DLGAP2: variants seen among roughly 807,000 people sequenced by gnomAD.
DLGAP2 encodes DLG associated protein 2.
A neutral mutation model predicts 100.3 loss-of-function variants in DLGAP2; 26 were observed. That is an observed-to-expected ratio of 0.26 (90% CI 0.19 to 0.36). The LOEUF (loss-of-function observed/expected upper bound fraction) is 0.36, where lower values mean the gene tolerates loss of function less well. DLGAP2 is among the 10% of genes least tolerant of loss of function. The pLI, the probability that DLGAP2 is intolerant of heterozygous loss-of-function variation, is 1.00. For synonymous variants in DLGAP2, 886 were observed against 630.1 expected, an observed-to-expected ratio of 1.41 and a Z score of -6.08; for missense variants, 1,858 against 1,453.2, an observed-to-expected ratio of 1.28 and a Z score of -4.53.
At chr8:1,638,278 T>A (rs1458311281) in intron 8 of DLGAP2, among the ~76,000 whole-genome samples, 1 of 151,684 alleles carries the variant, frequency 6.6e-6, no homozygotes, top group East Asian at 1.9e-4. Context: ...TAGAATGAGG[T>A]CACAGGGGGC....
At chr8:796,882 C>G (rs905950291) in intron 1 of DLGAP2, among the ~76,000 whole-genome samples, 1 of 151,720 alleles carries the variant, frequency 6.6e-6, no homozygotes, top group Non-Finnish European at 1.5e-5. Flanking sequence ...CCCCTTCACC[C>G]CACCCTTTTT....
intron 6 of DLGAP2, among the ~76,000 whole-genome samples, chr8:1,585,450 C>T (rs542121011): frequency 4.0e-5 from 6 of 151,846 alleles, no homozygotes; most frequent in East Asian, 1.9e-4. Flanking sequence ...GGCAAAAGAC[C>T]GAAAAAGAAA....
intron 3 of DLGAP2, among the ~76,000 whole-genome samples, chr8:1,389,295 A>T (rs1796292826): frequency 7.3e-6 from 1 of 136,806 alleles, no homozygotes; most frequent in African/African-American, 3.3e-5. Context: ...GGGACTCTGG[A>T]GGAGGAGGAT....
chr8:1,370,090 G>A (rs1260882168), intron 3 of DLGAP2, among the ~76,000 whole-genome samples: 1 of 152,160 alleles, frequency 6.6e-6, no homozygotes, highest in Non-Finnish European at 1.5e-5. Flanking sequence ...CTGTCCCTAG[G>A]CAGCTTTTCT....
intron 2 of DLGAP2, among the ~76,000 whole-genome samples, chr8:1,054,601 A>T (rs548528718): frequency 6.6e-6 from 1 of 152,246 alleles, no homozygotes; most frequent in Non-Finnish European, 1.5e-5. Flanking sequence ...AAACATGCCC[A>T]GTAATTTATC....
chr8:1,633,440 C>T (rs973168310), intron 8 of DLGAP2, among the ~76,000 whole-genome samples: 3 of 152,148 alleles, frequency 2.0e-5, no homozygotes, highest in Non-Finnish European at 4.4e-5. Flanking sequence ...GACGTCCAGC[C>T]GGTCTCTTGC....
intron 1 of DLGAP2, among the ~76,000 whole-genome samples, chr8:862,752 T>C (rs943642921): frequency 5.9e-5 from 9 of 152,288 alleles, no homozygotes; most frequent in Admixed American, 2.0e-4. Context: ...TTGGACGTGG[T>C]TGAACTTGAA....
intron 5 of DLGAP2, among the ~76,000 whole-genome samples, chr8:1,552,538 A>G (rs1170621273): frequency 6.6e-6 from 1 of 152,218 alleles, no homozygotes; most frequent in Non-Finnish European, 1.5e-5. Context: ...ATGCCTGTGC[A>G]GGGCTGTCCC....
intron 1 of DLGAP2, among the ~76,000 whole-genome samples, chr8:828,761 GA>G (rs1392393807): frequency 6.6e-6 from 1 of 152,154 alleles, no homozygotes; most frequent in Non-Finnish European, 1.5e-5. Context: ...ACAGGCATAA[GA>G]AATTACAAAA....
intron 6 of DLGAP2, among the ~76,000 whole-genome samples, chr8:1,603,397 A>T (rs1038788766): frequency 6.8e-6 from 1 of 147,264 alleles, no homozygotes; most frequent in African/African-American, 2.6e-5. Context: ...AGTTCTGTAG[A>T]GGCTGGTTAG....
intron 2 of DLGAP2, among the ~76,000 whole-genome samples, chr8:938,682 T>C (rs1327045263): frequency 6.6e-6 from 1 of 152,194 alleles, no homozygotes; most frequent in African/African-American, 2.4e-5. Flanking sequence ...CCAGCCGGCA[T>C]GGCAGCCCTG....
rs1563272646 is a variant in DLGAP2 at position 1,238,547 on chromosome 8, G to GGCGCC, written c.74-20303_74-20302insCGCCG. Among the ~76,000 whole-genome samples, 219 of 85,684 alleles carry GGCGCC rather than the reference G, an allele frequency of 2.6e-3. 10 individuals are homozygous for GGCGCC. The highest frequency in any genetic ancestry group is 0.01 in the Middle Eastern group (1 of 100). The allele number at this position is 85,684 out of a possible 152,430, so 56.2% of individuals were successfully genotyped here. A position where few individuals can be genotyped will look rare whatever the true frequency, so the allele number is the denominator to read the frequency against. On this transcript the variant is annotated intron_variant, in intron 2 of 14. Coordinates refer to ENST00000637795, the MANE Select transcript of DLGAP2 (RefSeq NM_001346810.2). Reference sequence around the variant, plus strand: ...GGCGCCGTGTCTGGTTCTCTCACATGGTGCCGTGTCTAGTTCTCTCCCATG... The same window carrying GGCGCC: ...GGCGCCGTGTCTGGTTCTCTCACATGGCGCCGTGCCGTGTCTAGTTCTCTCCCATG...
At chr8:1,674,249 T>C (rs1017764326) in intron 10 of DLGAP2, among the ~76,000 whole-genome samples, 2 of 152,188 alleles carry the variant, frequency 1.3e-5, no homozygotes, top group African/African-American at 4.8e-5. Flanking sequence ...CTTGCCATGT[T>C]GCCTAGGCTG....
intron 2 of DLGAP2, among the ~76,000 whole-genome samples, chr8:1,112,674 T>C (rs753743983): frequency 6.6e-6 from 1 of 152,246 alleles, no homozygotes; most frequent in Non-Finnish European, 1.5e-5. Flanking sequence ...GTTTGTCTGT[T>C]CGCTCTGATG....
chr8:1,182,447 C>T (rs1350496529), intron 2 of DLGAP2, among the ~76,000 whole-genome samples: 2 of 152,060 alleles, frequency 1.3e-5, no homozygotes, highest in Non-Finnish European at 2.9e-5. Flanking sequence ...GTGATGTCTG[C>T]ATGAGATGTG....
chr8:817,866 G>A (rs970759200), intron 1 of DLGAP2, among the ~76,000 whole-genome samples: 4 of 152,200 alleles, frequency 2.6e-5, no homozygotes, highest in African/African-American at 9.7e-5. Context: ...CGGCGGAGGG[G>A]GCAGGGGAAT....
intron 5 of DLGAP2, among the ~76,000 whole-genome samples, chr8:1,557,872 C>G (rs1054256523): frequency 3.9e-5 from 6 of 152,336 alleles, no homozygotes; most frequent in Admixed American, 2.6e-4. Context: ...CCTCTGTAAA[C>G]GTCCCATCTC....
intron 5 of DLGAP2, among the ~76,000 whole-genome samples, chr8:1,561,596 G>A (rs1035501180): frequency 5.3e-5 from 8 of 152,188 alleles, no homozygotes; most frequent in African/African-American, 1.7e-4. Flanking sequence ...GTGAGCTGCC[G>A]TGTGCCTGGG....
intron 4 of DLGAP2, among the ~76,000 whole-genome samples, chr8:1,501,635 G>A (rs1799726944): frequency 6.6e-6 from 1 of 152,242 alleles, no homozygotes; most frequent in African/African-American, 2.4e-5. Flanking sequence ...AGGAAGGGCT[G>A]CTCCTGGCCC....
Sources: gnomAD v4.1 joint callset for allele counts (sites outside exome capture counted in the v4.1 genomes callset) on GRCh38, gnomAD v4.1.1 for gene constraint, MANE v1.5 for transcripts, NCBI Gene and HGNC (gene_info 2026-07-23, HGNC 2026-07-21) for gene names.